Variants in TSPAN9 observed in about 807,000 individuals in gnomAD.
TSPAN9 encodes the protein tetraspanin-9.
A neutral mutation model predicts 31.0 loss-of-function variants in TSPAN9; 16 were observed. The observed-to-expected ratio is 0.52, with a 90% CI of 0.35 to 0.78. The LOEUF (loss-of-function observed/expected upper bound fraction) is 0.78, where lower values mean the gene tolerates loss of function less well. Ranked by LOEUF, TSPAN9 falls within the 30% of genes least tolerant of loss-of-function variation. TSPAN9 has a pLI of 0.01. For synonymous variants in TSPAN9, 145 were observed against 121.6 expected (o/e 1.19, Z -1.27); for missense variants, 272 against 312.5 (o/e 0.87, Z 0.98).
intron 3 of TSPAN9, among the ~76,000 whole-genome samples, chr12:3,262,936 G>A (rs1251059590): frequency 1.3e-5 from 2 of 152,102 alleles, no homozygotes; most frequent in South Asian, 2.1e-4. Flanking sequence ...TCCGAGCCTC[G>A]GTTTCCTTAA....
At chr12:3,265,999 A>C (rs1299687468) in intron 3 of TSPAN9, among the ~76,000 whole-genome samples, 1 of 152,118 alleles carries the variant, frequency 6.6e-6, no homozygotes, top group East Asian at 1.9e-4. Context: ...GGCTCGGTTA[A>C]TGCCAGCTTT....
At chr12:3,226,540 G>C (rs1565622066) in intron 3 of TSPAN9, among the ~76,000 whole-genome samples, 2 of 150,508 alleles carry the variant, frequency 1.3e-5, no homozygotes, top group Admixed American at 6.7e-5. Flanking sequence ...GGTGTGCTTG[G>C]ATTTGAGGGT....
At chr12:3,210,990 T>C (rs1224916313) in intron 3 of TSPAN9, among the ~76,000 whole-genome samples, 1 of 152,092 alleles carries the variant, frequency 6.6e-6, no homozygotes, top group Non-Finnish European at 1.5e-5. Flanking sequence ...AAGCAATCCT[T>C]CTGCCTCGGC....
Position 3,133,005 on chromosome 12 carries a change from A to G in TSPAN9, c.-18+49286A>G, listed in dbSNP as rs368767829. On this transcript the variant is annotated intron_variant, in intron 2 of 8. Coordinates refer to ENST00000011898, the MANE Select transcript of TSPAN9 (RefSeq NM_006675.5). ...AGAGCCTCACTCCCCAACACCAGCA[A>G]GCTTGCTCCCTTGGAGTATGACTTG... is the stretch of plus-strand genomic sequence containing the variant. Among the ~76,000 whole-genome samples the G allele has an allele frequency of 1.1e-4, 16 of 152,314 alleles. No homozygotes were observed. The East Asian group carries it at 2.5e-3, about 24-fold the overall frequency.
chr12:3,099,177 CTGTT>C (rs1286980243), intron 2 of TSPAN9, among the ~76,000 whole-genome samples: 1 of 149,736 alleles, frequency 6.7e-6, no homozygotes, highest in Non-Finnish European at 1.5e-5. Flanking sequence ...GGATATTTGA[CTGTT>C]TGATATTGTC....
intron 3 of TSPAN9, among the ~76,000 whole-genome samples, chr12:3,256,540 G>T (rs938167607): frequency 3.9e-5 from 6 of 152,350 alleles, no homozygotes; most frequent in South Asian, 2.1e-4. Flanking sequence ...TAGCGTAATC[G>T]TCGATTTCGG....
intron 3 of TSPAN9, among the ~76,000 whole-genome samples, chr12:3,227,832 T>C (rs891769424): frequency 3.3e-5 from 5 of 152,224 alleles, no homozygotes; most frequent in African/African-American, 1.2e-4. Context: ...GGGCTGGTCC[T>C]GCTCGGGTAG....
At chr12:3,084,919 CA>C (rs376402917) in intron 2 of TSPAN9, among the ~76,000 whole-genome samples, 5 of 152,230 alleles carry the variant, frequency 3.3e-5, no homozygotes, top group African/African-American at 1.2e-4. Flanking sequence ...CTGCTTGTGG[CA>C]GGAATGCCTG....
chr12:3,226,688 GTGTGTGTGTGTGTGTGTGTA>G (rs1431069741), intron 3 of TSPAN9, among the ~76,000 whole-genome samples: 19 of 24,954 alleles, frequency 7.6e-4, no homozygotes, highest in Admixed American at 3.6e-3. Flanking sequence ...GTGTGTGTGT[GTGTGTGTGTGTGTGTGTGTA>G]TGTGTATGTA....
At chr12:3,098,037 G>A (rs1270047626) in intron 2 of TSPAN9, among the ~76,000 whole-genome samples, 1 of 152,224 alleles carries the variant, frequency 6.6e-6, no homozygotes, top group Non-Finnish European at 1.5e-5. Context: ...GTGCACCGAT[G>A]CAGGACGTCG....
At chr12:3,195,783 G>A (rs1280221797) in intron 2 of TSPAN9, among the ~76,000 whole-genome samples, 1 of 152,154 alleles carries the variant, frequency 6.6e-6, no homozygotes, top group African/African-American at 2.4e-5. Flanking sequence ...GGCTTCACAG[G>A]GTAGCTCACT....
At chr12:3,086,574 C>T (rs1424505841) in intron 2 of TSPAN9, among the ~76,000 whole-genome samples, 2 of 151,672 alleles carry the variant, frequency 1.3e-5, no homozygotes, top group African/African-American at 2.4e-5. Flanking sequence ...CCAGGGGGTC[C>T]GAAGAGTCAG....
intron 2 of TSPAN9, among the ~76,000 whole-genome samples, chr12:3,144,480 C>T (rs1565591548): frequency 6.6e-6 from 1 of 152,172 alleles, no homozygotes. Context: ...GAGCAATGTT[C>T]CTGCCAAGGA....
At chr12:3,195,511 C>T (rs1270690043) in intron 2 of TSPAN9, among the ~76,000 whole-genome samples, 2 of 152,222 alleles carry the variant, frequency 1.3e-5, no homozygotes, top group Non-Finnish European at 2.9e-5. Context: ...CTGCACCTGC[C>T]AGCTTGCCTG....
intron 3 of TSPAN9, among the ~76,000 whole-genome samples, chr12:3,224,192 G>C (rs1042162605): frequency 4.6e-5 from 7 of 152,180 alleles, no homozygotes; most frequent in Admixed American, 1.3e-4. Context: ...GCTGAGACAT[G>C]GGTAGGTGGC....
intron 3 of TSPAN9, among the ~76,000 whole-genome samples, chr12:3,257,639 C>T (rs1862372313): frequency 6.6e-6 from 1 of 152,026 alleles, no homozygotes; most frequent in South Asian, 2.1e-4. Flanking sequence ...CACCTCCTGC[C>T]CCCTCTTCGC....
At chr12:3,085,574 C>A (rs1019226922) in intron 2 of TSPAN9, among the ~76,000 whole-genome samples, 1 of 152,132 alleles carries the variant, frequency 6.6e-6, no homozygotes, top group Non-Finnish European at 1.5e-5. Context: ...GGATGTTGAC[C>A]AGCTCTGGGG....
intron 3 of TSPAN9, among the ~76,000 whole-genome samples, chr12:3,262,771 C>T (rs1466753690): frequency 6.6e-6 from 1 of 152,150 alleles, no homozygotes; most frequent in Non-Finnish European, 1.5e-5. Flanking sequence ...TTGATTCTGA[C>T]TGATATCCAG....
chr12:3,278,072 A>T (rs1862822949), intron 3 of TSPAN9, among the ~76,000 whole-genome samples: 1 of 152,168 alleles, frequency 6.6e-6, no homozygotes. Flanking sequence ...CTTCTCTATC[A>T]TGCAGAGTAA....
Sources: allele counts gnomAD v4.1 joint callset (sites outside exome capture counted in the v4.1 genomes callset), GRCh38; gene constraint gnomAD v4.1.1; transcripts MANE v1.5; gene names NCBI Gene and HGNC (gene_info 2026-07-23, HGNC 2026-07-21).